Variants in FRMD4A observed in about 807,000 individuals in gnomAD.
The protein encoded by FRMD4A is FERM domain containing 4A, also known as FERM domain-containing protein 4A.
Under a neutral mutation model 129.1 loss-of-function variants are expected in FRMD4A, and 29 were observed. The observed-to-expected ratio is 0.22, with a 90% confidence interval of 0.17 to 0.31. FRMD4A has a LOEUF of 0.31. Among genes scored for constraint, FRMD4A ranks in the 10% least tolerant of loss-of-function variants. The probability of loss-of-function intolerance (pLI) is 1.00; values close to 1 mark genes in which losing one functional copy is unlikely to be tolerated. For missense variants in FRMD4A, 1,272 were observed against 1,375.8 expected, an observed-to-expected ratio of 0.92 and a Z score of 1.19; for synonymous variants, 634 against 571.6, an observed-to-expected ratio of 1.11 and a Z score of -1.56.
chr10:13,797,495 C>T (rs74121692), intron 4 of FRMD4A, among the ~76,000 whole-genome samples: 1 of 152,218 alleles, frequency 6.6e-6, no homozygotes, highest in Non-Finnish European at 1.5e-5. Flanking sequence ...GTCTTAGTGT[C>T]CTGTGAGTGG....
At chr10:13,967,981 G>A (rs1043427988) in intron 2 of FRMD4A, among the ~76,000 whole-genome samples, 3 of 152,200 alleles carry the variant, frequency 2.0e-5, no homozygotes, top group Non-Finnish European at 2.9e-5. Context: ...GGAGGTCGGG[G>A]CTGCAGTGAG....
At chr10:13,827,427 G>A (rs2093719664) in intron 3 of FRMD4A, among the ~76,000 whole-genome samples, 1 of 152,192 alleles carries the variant, frequency 6.6e-6, no homozygotes. Flanking sequence ...GAGACCTGAT[G>A]TTAGACATTT....
intron 2 of FRMD4A, among the ~76,000 whole-genome samples, chr10:14,048,265 CTGGAA>C (rs1834074640): frequency 6.6e-6 from 1 of 152,160 alleles, no homozygotes; most frequent in Non-Finnish European, 1.5e-5. Flanking sequence ...ACTGCTGGGA[CTGGAA>C]TGGATTTGGA....
At chr10:14,086,242 C>A (rs897540229) in intron 2 of FRMD4A, among the ~76,000 whole-genome samples, 1 of 152,122 alleles carries the variant, frequency 6.6e-6, no homozygotes, top group East Asian at 1.9e-4. Flanking sequence ...GAGGTTTCTA[C>A]CCTGGTAATA....
intron 15 of FRMD4A, among the ~76,000 whole-genome samples, chr10:13,682,139 C>T (rs761933190): frequency 2.6e-5 from 4 of 152,064 alleles, no homozygotes. Flanking sequence ...TGGGAGAATT[C>T]CTTCAGCAGA....
intron 2 of FRMD4A, among the ~76,000 whole-genome samples, chr10:14,154,757 G>T (rs1218734333): frequency 1.3e-5 from 2 of 152,140 alleles, no homozygotes; most frequent in East Asian, 3.8e-4. Context: ...CCCCGTGCTG[G>T]GTTAGGAGTC....
chr10:14,095,290 G>T (rs789763), intron 2 of FRMD4A, among the ~76,000 whole-genome samples: 121,157 of 152,208 alleles, frequency 0.8, 48,554 homozygotes, highest in African/African-American at 0.88. Context: ...CCCCAGGAAC[G>T]AGTTCAAGTT....
chr10:14,225,814 T>A (rs1843415802), intron 2 of FRMD4A, among the ~76,000 whole-genome samples: 1 of 152,240 alleles, frequency 6.6e-6, no homozygotes, highest in Non-Finnish European at 1.5e-5. Flanking sequence ...GTTCGATTTC[T>A]CCTGATACAT....
rs1367057424 is a variant in FRMD4A, at chr10:13,701,497, C to T, written c.837-19G>A. On this transcript the variant is annotated intron_variant, in intron 13 of 24. Transcript: ENST00000357447. ...TGAAGCCCTGGGGAAGCAAGAATCACAAGGTTCAATCCCATTTCTGTTGAG... is the reference window on the plus strand; with the variant it reads ...TGAAGCCCTGGGGAAGCAAGAATCATAAGGTTCAATCCCATTTCTGTTGAG... 1.2e-6 allele frequency: 2 copies of T among 1,609,874 alleles called. No individual in the cohort carries two copies. The highest frequency in any genetic ancestry group is 2.7e-5 in the African/African-American group (2 of 74,866).
intron 2 of FRMD4A, among the ~76,000 whole-genome samples, chr10:14,192,300 C>CCA (rs991992628): frequency 7.9e-5 from 12 of 152,242 alleles, no homozygotes; most frequent in African/African-American, 2.9e-4. Context: ...CAGTGTGTAT[C>CCA]CACACACACC....
intron 2 of FRMD4A, among the ~76,000 whole-genome samples, chr10:14,282,809 T>C (rs1439055718): frequency 6.6e-6 from 1 of 152,080 alleles, no homozygotes; most frequent in Non-Finnish European, 1.5e-5. Context: ...AAAATTAGGG[T>C]TCTTCAAGCA....
At chr10:13,971,941 T>G (rs2095521069) in intron 2 of FRMD4A, 1 of 1,221,650 alleles carries the variant, frequency 8.2e-7, no homozygotes, top group Non-Finnish European at 1.0e-6. Context: ...CTGATTCCTC[T>G]GACTCTCCTC....
At chr10:13,695,101 CTA>C (rs1564629259) in intron 14 of FRMD4A, among the ~76,000 whole-genome samples, 1 of 151,968 alleles carries the variant, frequency 6.6e-6, no homozygotes, top group African/African-American at 2.4e-5. Context: ...AGAAAAAACT[CTA>C]TGTTCACATT....
At chr10:14,232,973 G>A (rs1463795965) in intron 2 of FRMD4A, among the ~76,000 whole-genome samples, 1 of 152,118 alleles carries the variant, frequency 6.6e-6, no homozygotes, top group African/African-American at 2.4e-5. Flanking sequence ...TACAGATAGA[G>A]TTGTAGAGTA....
At chr10:13,952,530 G>T (rs1176242534) in intron 2 of FRMD4A, among the ~76,000 whole-genome samples, 1 of 151,882 alleles carries the variant, frequency 6.6e-6, no homozygotes, top group African/African-American at 2.4e-5. Context: ...AAAAAAAGAA[G>T]ACACCAAAAA....
chr10:13,764,047 T>C (rs897449358), intron 6 of FRMD4A, among the ~76,000 whole-genome samples: 2 of 152,186 alleles, frequency 1.3e-5, no homozygotes, highest in Admixed American at 1.3e-4. Context: ...AACAGCTTTA[T>C]TGAAGTATAA....
chr10:13,764,531 A>AAAC (rs748104444), intron 6 of FRMD4A, among the ~76,000 whole-genome samples: 1 of 145,788 alleles, frequency 6.9e-6, no homozygotes, highest in Non-Finnish European at 1.5e-5. Context: ...ACAAACAAAC[A>AAAC]AAACCTAACA....
At chr10:13,715,240 C>G (rs1366820613) in intron 12 of FRMD4A, among the ~76,000 whole-genome samples, 1 of 152,146 alleles carries the variant, frequency 6.6e-6, no homozygotes, top group South Asian at 2.1e-4. Context: ...CCCTCTCCAT[C>G]TTAGCTTCGT....
chr10:14,105,143 A>T (rs1215002586), intron 2 of FRMD4A, among the ~76,000 whole-genome samples: 1 of 152,192 alleles, frequency 6.6e-6, no homozygotes, highest in Non-Finnish European at 1.5e-5. Context: ...ACCATAAGAG[A>T]TGGGTCATTT....
Sources: allele counts gnomAD v4.1 joint callset (sites outside exome capture counted in the v4.1 genomes callset), GRCh38; gene constraint gnomAD v4.1.1; transcripts MANE v1.5; gene names NCBI Gene and HGNC (gene_info 2026-07-23, HGNC 2026-07-21).